RBFOX2: variants seen among roughly 807,000 people sequenced by gnomAD.
RBFOX2 encodes the protein RNA binding protein fox-1 homolog 2.
Under a neutral mutation model 49.1 loss-of-function variants are expected in RBFOX2, and 10 were observed. That is an observed-to-expected ratio of 0.20 (90% confidence interval 0.13 to 0.35). The LOEUF is 0.35. Among genes scored for constraint, RBFOX2 ranks in the 10% least tolerant of loss-of-function variants. The pLI is 1.00. For missense variants in RBFOX2, 323 were observed against 486.9 expected (o/e 0.66, Z 3.17); for synonymous variants, 183 against 187.4 (o/e 0.98, Z 0.19).
upstream of RBFOX2, among the ~76,000 whole-genome samples, chr22:35,942,716 C>A: frequency 6.8e-6 from 1 of 147,252 alleles, no homozygotes; most frequent in African/African-American, 2.5e-5. Flanking sequence ...AGCGACATCC[C>A]ATCTCTTAAA....
intron 1 of RBFOX2, among the ~76,000 whole-genome samples, chr22:35,958,118 A>G (rs2055790882): frequency 6.6e-6 from 1 of 152,246 alleles, no homozygotes; most frequent in South Asian, 2.1e-4. Flanking sequence ...AAGTCATTAT[A>G]GACAAAATAA....
intron 2 of RBFOX2, among the ~76,000 whole-genome samples, chr22:35,799,822 A>G (rs921909414): frequency 2.0e-5 from 3 of 151,812 alleles, no homozygotes; most frequent in African/African-American, 7.3e-5. Flanking sequence ...GTGTGGGGGT[A>G]CACGCCTGTA....
At chr22:35,971,780 C>T (rs569645441) in intron 1 of RBFOX2, among the ~76,000 whole-genome samples, 166 of 152,096 alleles carry the variant, frequency 1.1e-3, no homozygotes, top group African/African-American at 4.0e-3. Context: ...CAGAGCTGCA[C>T]AGGAAGTGCT....
At chr22:35,965,651 T>C (rs2056513867), upstream of RBFOX2, among the ~76,000 whole-genome samples, 1 of 152,216 alleles carries the variant, frequency 6.6e-6, no homozygotes, top group Non-Finnish European at 1.5e-5. Flanking sequence ...TCAATTCTAC[T>C]TTCCTGTGGC....
chr22:36,027,353 T>C (rs550365809), intron 1 of RBFOX2, among the ~76,000 whole-genome samples: 2 of 152,274 alleles, frequency 1.3e-5, no homozygotes, highest in African/African-American at 4.8e-5. Flanking sequence ...ATAGCAGTAT[T>C]TTCTGGGCAA....
intron 1 of RBFOX2, among the ~76,000 whole-genome samples, chr22:36,026,498 T>A (rs2059439701): frequency 6.6e-6 from 1 of 150,586 alleles, no homozygotes; most frequent in Non-Finnish European, 1.5e-5. Context: ...GGGACGGGGG[T>A]CTCACTATTA....
chr22:35,809,151 GTGA>G (rs1951331663), intron 2 of RBFOX2, among the ~76,000 whole-genome samples: 1 of 151,860 alleles, frequency 6.6e-6, no homozygotes, highest in Non-Finnish European at 1.5e-5. Context: ...GACTAGAGCA[GTGA>G]TGATGATAAA....
intron 1 of RBFOX2, among the ~76,000 whole-genome samples, chr22:35,984,085 C>A (rs896385396): frequency 6.6e-6 from 1 of 152,050 alleles, no homozygotes; most frequent in Non-Finnish European, 1.5e-5. Flanking sequence ...CTCCTTATAC[C>A]TCAACAACTT....
intron 1 of RBFOX2, among the ~76,000 whole-genome samples, chr22:35,969,539 A>C (rs754453837): frequency 7.9e-5 from 12 of 152,142 alleles, no homozygotes; most frequent in Non-Finnish European, 1.6e-4. Flanking sequence ...GCACCACTGC[A>C]CTCCAGCCTG....
At chr22:35,741,033 C>T (rs1420055287) in exon 12 of RBFOX2, 1 of 152,162 alleles carries the variant, frequency 6.6e-6, no homozygotes, top group Non-Finnish European at 1.5e-5. Flanking sequence ...AATGTTGGCT[C>T]AATTCAGACT....
At chr22:36,024,807 GA>G (rs1307859562) in intron 1 of RBFOX2, among the ~76,000 whole-genome samples, 1 of 151,840 alleles carries the variant, frequency 6.6e-6, no homozygotes, top group African/African-American at 2.4e-5. Context: ...GCTACGATAA[GA>G]TTTTTTTTAT....
chr22:35,761,580 A>T, intron 6 of RBFOX2, 112 bp from the exon 8 acceptor site: 1 of 1,095,150 alleles, frequency 9.1e-7, no homozygotes, highest in African/African-American at 1.6e-5. Flanking sequence ...CCTATTATCA[A>T]CTTCTCTTTG....
At chr22:35,925,221 T>TA (rs1033004457) in intron 1 of RBFOX2, among the ~76,000 whole-genome samples, 20 of 149,510 alleles carry the variant, frequency 1.3e-4, no homozygotes, top group African/African-American at 3.7e-4. Context: ...TAAAAAAATT[T>TA]AAAAAAAAAG....
At chr22:35,844,597 C>T (rs971603807), upstream of RBFOX2, among the ~76,000 whole-genome samples, 8 of 151,566 alleles carry the variant, frequency 5.3e-5, no homozygotes, top group Non-Finnish European at 8.8e-5. Flanking sequence ...CAGGTTCAAG[C>T]GATTCTCCTG....
At chr22:35,997,373 T>C (rs1185483170) in intron 1 of RBFOX2, 4 of 152,090 alleles carry the variant, frequency 2.6e-5, no homozygotes, top group Non-Finnish European at 5.9e-5. Flanking sequence ...CTCCTCTAAC[T>C]CTCTCAGCTG....
At chr22:36,019,625 TAAATGGAG>T (rs963850099) in intron 1 of RBFOX2, among the ~76,000 whole-genome samples, 8 of 152,226 alleles carry the variant, frequency 5.3e-5, no homozygotes, top group African/African-American at 1.9e-4. Flanking sequence ...ATTCATTTGG[TAAATGGAG>T]AAGCCAGGAT....
chr22:35,821,366 CCAAG>C (rs1954427220), intron 1 of RBFOX2, among the ~76,000 whole-genome samples: 1 of 152,014 alleles, frequency 6.6e-6, no homozygotes, highest in Non-Finnish European at 1.5e-5. Context: ...CTTTGGGAGG[CCAAG>C]GTGGGCGGAT....
chr22:35,986,425 C>G (rs746794899), intron 1 of RBFOX2, among the ~76,000 whole-genome samples: 6 of 152,114 alleles, frequency 3.9e-5, no homozygotes, highest in Non-Finnish European at 7.4e-5. Context: ...AGCTCACTGT[C>G]TGAATGGAAA....
At position 35,809,720 on chromosome 22, in the gene RBFOX2, G is replaced by A. The variant is rs1029704180; in HGVS notation, c.252+60C>T. Reference sequence around the variant, plus strand: ...AGAGTCTTCTAATTGTATAATTAAGGCGACAATTTCTATATGATTGCCATG... The same window carrying A: ...AGAGTCTTCTAATTGTATAATTAAGACGACAATTTCTATATGATTGCCATG... On this transcript the variant is annotated intron_variant, in intron 2 of 11. Coordinates refer to ENST00000405409, the Ensembl canonical transcript of RBFOX2. The A allele has an allele frequency of 9.1e-6, 14 of 1,540,480 alleles. No homozygotes were observed. The Admixed American group carries it at 2.2e-4, about 24-fold the overall frequency.
Sources: allele counts gnomAD v4.1 joint callset (sites outside exome capture counted in the v4.1 genomes callset), GRCh38; gene constraint gnomAD v4.1.1; transcripts MANE v1.5; gene names NCBI Gene and HGNC (gene_info 2026-07-23, HGNC 2026-07-21).